The following GPC5 variants were observed in gnomAD, a reference collection of about 807,000 sequenced individuals.
GPC5 encodes glypican 5, also known as glypican-5.
Under a neutral mutation model 53.9 loss-of-function variants are expected in GPC5, and 47 were observed. The observed-to-expected ratio is 0.87, with a 90% CI of 0.69 to 1.11. The LOEUF is 1.11. Among genes scored for constraint, GPC5 ranks in the 50% most tolerant of loss-of-function variants. The pLI is 0.00. For synonymous variants in GPC5, 286 were observed against 263.3 expected (o/e 1.09, Z -0.84); for missense variants, 748 against 713.1 (o/e 1.05, Z -0.56).
chr13:92,221,283 T>C (rs969819972), intron 7 of GPC5, among the ~76,000 whole-genome samples: 12 of 152,324 alleles, frequency 7.9e-5, no homozygotes, highest in African/African-American at 2.6e-4. Flanking sequence ...ACTGAGCGTT[T>C]TCTGAAAATA....
intron 2 of GPC5, among the ~76,000 whole-genome samples, chr13:91,512,918 A>G (rs754782556): frequency 5.9e-5 from 9 of 152,150 alleles, no homozygotes; most frequent in Non-Finnish European, 1.3e-4. Flanking sequence ...TATTAAGGGT[A>G]GAAAAAAGTT....
chr13:92,076,962 C>CACAGATACCAAGGTATTCAGAAGA (rs1356406456), intron 6 of GPC5, among the ~76,000 whole-genome samples: 3 of 152,258 alleles, frequency 2.0e-5, no homozygotes, highest in Non-Finnish European at 4.4e-5. Flanking sequence ...TCAGAAGAAC[C>CACAGATACCAAGGTATTCAGAAGA]TTGGTATCCA....
chr13:92,031,859 A>ATATAATATATTACATATTATATATAATT lies in GPC5; in HGVS notation c.1402-112967_1402-112966insATATATTACATATTATATATAATTTATA, dbSNP rs1566403465. Among the ~76,000 whole-genome samples, 10 of 83,252 alleles carry ATATAATATATTACATATTATATATAATT rather than the reference A, an allele frequency of 1.2e-4. 1 individual carries two copies. Among genetic ancestry groups the ATATAATATATTACATATTATATATAATT allele is most frequent in the African/African-American group, 5.0e-4 (10 of 19,838 alleles). The allele number at this position is 83,252 out of a possible 152,430, so 54.6% of individuals were successfully genotyped here. On this transcript the variant is annotated intron_variant, in intron 6 of 7. Coordinates refer to ENST00000377067, the MANE Select transcript of GPC5 (RefSeq NM_004466.6). ...TAATATATTACATATTATATATAAT[A>ATATAATATATTACATATTATATATAATT]TATATATTATATATAACATATATTT...
chr13:92,824,553 G>C (rs1346903345), intron 7 of GPC5, among the ~76,000 whole-genome samples: 1 of 152,028 alleles, frequency 6.6e-6, no homozygotes, highest in African/African-American at 2.4e-5. Flanking sequence ...TATATGCATT[G>C]CTCAATCATT....
At chr13:92,340,705 A>T (rs1277260039) in intron 7 of GPC5, 1 of 151,022 alleles carries the variant, frequency 6.6e-6, no homozygotes, top group Non-Finnish European at 1.5e-5. Context: ...GATATAAAAT[A>T]AAAAATCAGA....
At chr13:92,512,268 G>T (rs565123191) in intron 7 of GPC5, among the ~76,000 whole-genome samples, 1 of 151,850 alleles carries the variant, frequency 6.6e-6, no homozygotes, top group Non-Finnish European at 1.5e-5. Flanking sequence ...GCGCGCGTAC[G>T]CTGTGTGCAT....
chr13:92,286,144 A>G (rs918213467), intron 7 of GPC5, among the ~76,000 whole-genome samples: 2 of 152,218 alleles, frequency 1.3e-5, no homozygotes, highest in African/African-American at 4.8e-5. Flanking sequence ...AATGCTCATC[A>G]TCACTGGCCA....
intron 3 of GPC5, among the ~76,000 whole-genome samples, chr13:91,727,320 CCTT>C (rs1396891298): frequency 1.3e-5 from 2 of 152,158 alleles, no homozygotes; most frequent in African/African-American, 4.8e-5. Context: ...TTGCTGATAT[CCTT>C]CTTCACCCAC....
At chr13:91,573,291 TG>T (rs1243588096) in intron 2 of GPC5, among the ~76,000 whole-genome samples, 1 of 152,208 alleles carries the variant, frequency 6.6e-6, no homozygotes, top group Non-Finnish European at 1.5e-5. Flanking sequence ...CACATTTGCC[TG>T]GGTCACATTT....
intron 7 of GPC5, among the ~76,000 whole-genome samples, chr13:92,305,302 A>G (rs1170257853): frequency 2.0e-5 from 3 of 152,174 alleles, no homozygotes; most frequent in East Asian, 1.9e-4. Flanking sequence ...CATGTAATCT[A>G]TTATTTAATT....
chr13:92,671,072 G>A (rs1290767774), intron 7 of GPC5, among the ~76,000 whole-genome samples: 1 of 152,162 alleles, frequency 6.6e-6, no homozygotes, highest in Non-Finnish European at 1.5e-5. Context: ...TAGATCCTAA[G>A]ATGAAAGCAG....
chr13:91,825,115 G>A (rs2038556443), intron 5 of GPC5, among the ~76,000 whole-genome samples: 1 of 151,836 alleles, frequency 6.6e-6, no homozygotes, highest in African/African-American at 2.4e-5. Flanking sequence ...CAGAGAGAGA[G>A]AGAGAGGATC....
At chr13:92,395,407 C>T (rs540076572) in intron 7 of GPC5, among the ~76,000 whole-genome samples, 1 of 152,182 alleles carries the variant, frequency 6.6e-6, no homozygotes, top group South Asian at 2.1e-4. Flanking sequence ...CCGTTTTGTC[C>T]CTTATAGCAC....
intron 1 of GPC5, among the ~76,000 whole-genome samples, chr13:91,416,833 T>C (rs1431568028): frequency 2.0e-5 from 3 of 152,234 alleles, no homozygotes; most frequent in Non-Finnish European, 4.4e-5. Context: ...TGCCACATTT[T>C]CTTAATCCAG....
At chr13:92,562,400 G>A (rs573195143) in intron 7 of GPC5, among the ~76,000 whole-genome samples, 9 of 152,034 alleles carry the variant, frequency 5.9e-5, no homozygotes, top group East Asian at 1.9e-4. Flanking sequence ...AGGCCCTCCC[G>A]CTCTACCACC....
chr13:92,161,525 G>A (rs11842299), intron 7 of GPC5, among the ~76,000 whole-genome samples: 11,695 of 152,100 alleles, frequency 0.077, 835 homozygotes, highest in African/African-American at 0.19. Context: ...AAAATAATAA[G>A]TATGTGTATA....
intron 7 of GPC5, among the ~76,000 whole-genome samples, chr13:92,407,447 A>G (rs1228463816): frequency 6.6e-6 from 1 of 151,382 alleles, no homozygotes; most frequent in Admixed American, 6.6e-5. Flanking sequence ...CTACTCCTTC[A>G]TTAAATTAAA....
chr13:92,094,235 G>T (rs187675138), intron 6 of GPC5, among the ~76,000 whole-genome samples: 1 of 151,998 alleles, frequency 6.6e-6, no homozygotes, highest in Non-Finnish European at 1.5e-5. Flanking sequence ...GAAACTTTTC[G>T]GCCGGGCACG....
intron 2 of GPC5, among the ~76,000 whole-genome samples, chr13:91,516,382 A>C (rs1260006613): frequency 1.3e-5 from 2 of 152,176 alleles, no homozygotes; most frequent in Admixed American, 1.3e-4. Context: ...GGCCCATGCA[A>C]GTCCAAAATC....
Sources: gnomAD v4.1 joint callset for allele counts (sites outside exome capture counted in the v4.1 genomes callset) on GRCh38, gnomAD v4.1.1 for gene constraint, MANE v1.5 for transcripts, NCBI Gene and HGNC (gene_info 2026-07-23, HGNC 2026-07-21) for gene names.